AMOTL1: variants seen among roughly 807,000 people sequenced by gnomAD.
The protein encoded by AMOTL1 is angiomotin-like protein 1.
Under a neutral mutation model 102.9 loss-of-function variants are expected in AMOTL1, and 45 were observed. That is an observed-to-expected ratio of 0.44 (90% CI 0.34 to 0.56). The LOEUF (loss-of-function observed/expected upper bound fraction) is 0.56, where lower values mean the gene tolerates loss of function less well. AMOTL1 is among the 20% of genes least tolerant of loss of function. AMOTL1 has a pLI of 0.01. For synonymous variants in AMOTL1, 481 were observed against 484.7 expected (o/e 0.99, Z 0.10); for missense variants, 1,114 against 1,225.6 (o/e 0.91, Z 1.36).
At chr11:94,851,715 CTGT>C (rs1163045568) in intron 7 of AMOTL1, among the ~76,000 whole-genome samples, 5 of 152,220 alleles carry the variant, frequency 3.3e-5, no homozygotes, top group Non-Finnish European at 5.9e-5. Context: ...CCTCCTCTTC[CTGT>C]TGTTACTTGG....
At chr11:94,789,036 A>AC (rs1312106531) in intron 1 of AMOTL1, among the ~76,000 whole-genome samples, 1 of 152,154 alleles carries the variant, frequency 6.6e-6, no homozygotes, top group African/African-American at 2.4e-5. Context: ...CCACCCCTCA[A>AC]CCCCCAACTC....
intron 6 of AMOTL1, among the ~76,000 whole-genome samples, chr11:94,837,281 G>A (rs1952203961): frequency 6.6e-6 from 1 of 152,178 alleles, no homozygotes; most frequent in Non-Finnish European, 1.5e-5. Context: ...TAAAGTAATA[G>A]AAGAATGAAT....
intron 6 of AMOTL1, among the ~76,000 whole-genome samples, chr11:94,842,630 A>G (rs965248746): frequency 3.7e-4 from 57 of 152,182 alleles, no homozygotes; most frequent in Non-Finnish European, 8.2e-4. Context: ...TCTTCCCCAC[A>G]TTTTAACAGC....
intron 1 of AMOTL1, among the ~76,000 whole-genome samples, chr11:94,775,532 T>A (rs1253909140): frequency 6.6e-6 from 1 of 152,018 alleles, no homozygotes; most frequent in South Asian, 2.1e-4. Context: ...CTGGCCCACA[T>A]CTATGTTTTT....
At chr11:94,854,246 G>A (rs1398227446) in intron 8 of AMOTL1, among the ~76,000 whole-genome samples, 164 bp downstream of exon 8, 3 of 152,178 alleles carry the variant, frequency 2.0e-5, no homozygotes, top group South Asian at 2.1e-4. Flanking sequence ...GAGAGAAGGC[G>A]AGCAGTCCGC....
chr11:94,712,654 A>G (rs913085480), intron 1 of AMOTL1, among the ~76,000 whole-genome samples: 2 of 151,096 alleles, frequency 1.3e-5, no homozygotes, highest in African/African-American at 4.8e-5. Context: ...TAACCCCACT[A>G]TATTCTAATT....
chr11:94,748,427 A>C (rs1950613559), intron 3 of AMOTL1, among the ~76,000 whole-genome samples: 1 of 152,204 alleles, frequency 6.6e-6, no homozygotes, highest in Non-Finnish European at 1.5e-5. Flanking sequence ...GGCTACCCGC[A>C]GTTCCAGGAA....
intron 1 of AMOTL1, among the ~76,000 whole-genome samples, chr11:94,782,621 G>T (rs1315850479): frequency 6.6e-6 from 1 of 152,164 alleles, no homozygotes; most frequent in African/African-American, 2.4e-5. Context: ...CACTGGCAGG[G>T]TTTCATATTT....
chr11:94,771,424 G>C (rs1425981765), intron 1 of AMOTL1, among the ~76,000 whole-genome samples: 1 of 152,132 alleles, frequency 6.6e-6, no homozygotes, highest in East Asian at 1.9e-4. Flanking sequence ...GAAAAGCAAG[G>C]GGTAGTGTGG....
intron 1 of AMOTL1, among the ~76,000 whole-genome samples, chr11:94,777,209 G>A (rs1229283067): frequency 6.6e-6 from 1 of 152,206 alleles, no homozygotes; most frequent in South Asian, 2.1e-4. Context: ...GATAATGGCG[G>A]TGTCAGGTTT....
intron 6 of AMOTL1, among the ~76,000 whole-genome samples, chr11:94,842,325 C>T (rs1952320749): frequency 6.6e-6 from 1 of 152,046 alleles, no homozygotes; most frequent in Admixed American, 6.6e-5. Flanking sequence ...AAAAATGAGA[C>T]AGACACACAT....
intron 1 of AMOTL1, among the ~76,000 whole-genome samples, chr11:94,708,559 A>G (rs1949969339): frequency 6.6e-6 from 1 of 152,194 alleles, no homozygotes; most frequent in Admixed American, 6.5e-5. Context: ...AAATGAGAAC[A>G]TTTATGGAAG....
intron 1 of AMOTL1, among the ~76,000 whole-genome samples, chr11:94,777,276 G>C (rs796658203): frequency 3.3e-5 from 5 of 152,170 alleles, no homozygotes; most frequent in African/African-American, 1.2e-4. Context: ...TCTTCCCGTG[G>C]TATTGACTGG....
rs548229298 is a variant in AMOTL1, at chr11:94,732,406, G to C, written c.85+3351G>C. Among the ~76,000 whole-genome samples the C allele has an allele frequency of 6.6e-5, 10 of 152,252 alleles. No individual in the cohort carries two copies. The East Asian group carries it at 1.7e-3, about 26-fold the overall frequency. On this transcript the variant is annotated intron_variant, in intron 2 of 4. Transcript: ENST00000299004. ...ACCCAGGATGTTTGGGGGTGATAAGGAGTTTCTGAAGGGAAGTCCCTCTTC... is the reference window on the plus strand; with the variant it reads ...ACCCAGGATGTTTGGGGGTGATAAGCAGTTTCTGAAGGGAAGTCCCTCTTC...
chr11:94,729,562 T>C (rs2135456928), intron 2 of AMOTL1, among the ~76,000 whole-genome samples: 1 of 152,278 alleles, frequency 6.6e-6, no homozygotes, highest in Non-Finnish European at 1.5e-5. Context: ...GATGGAGATA[T>C]TGTTACTTTC....
chr11:94,848,304 A>G (rs1324840410), intron 6 of AMOTL1, among the ~76,000 whole-genome samples: 2 of 152,094 alleles, frequency 1.3e-5, no homozygotes, highest in African/African-American at 4.8e-5. Context: ...ACCATTTCAA[A>G]TGCTGCAGAA....
At chr11:94,786,231 G>T (rs1951186446) in intron 1 of AMOTL1, among the ~76,000 whole-genome samples, 1 of 152,100 alleles carries the variant, frequency 6.6e-6, no homozygotes, top group Non-Finnish European at 1.5e-5. Context: ...AGATATTTAA[G>T]GACCTTTGGA....
At chr11:94,780,555 T>C (rs976376527) in intron 1 of AMOTL1, among the ~76,000 whole-genome samples, 3 of 152,216 alleles carry the variant, frequency 2.0e-5, no homozygotes. Flanking sequence ...AGCATCTTGC[T>C]GCTGTTCTAT....
At chr11:94,863,403 A>AGGT (rs1952814298) in intron 9 of AMOTL1, among the ~76,000 whole-genome samples, 1 of 151,968 alleles carries the variant, frequency 6.6e-6, no homozygotes, top group South Asian at 2.1e-4. Context: ...GACCAGCCTG[A>AGGT]CCAACGTGGT....
Sources: allele counts gnomAD v4.1 joint callset (sites outside exome capture counted in the v4.1 genomes callset), GRCh38; gene constraint gnomAD v4.1.1; transcripts MANE v1.5; gene names NCBI Gene and HGNC (gene_info 2026-07-23, HGNC 2026-07-21).